Variants in CCDC90B observed in about 807,000 individuals in gnomAD.
The protein encoded by CCDC90B is coiled-coil domain-containing protein 90B, mitochondrial.
In CCDC90B, 24 loss-of-function variants were observed where a neutral mutation model predicts 37.0. The observed-to-expected ratio is 0.65, with a 90% confidence interval of 0.47 to 0.91. The LOEUF (loss-of-function observed/expected upper bound fraction) is 0.91, where lower values mean the gene tolerates loss of function less well. CCDC90B is among the 40% of genes least tolerant of loss of function. CCDC90B has a pLI of 0.00. For synonymous variants in CCDC90B, 113 were observed against 101.1 expected, an observed-to-expected ratio of 1.12 and a Z score of -0.71; for missense variants, 319 against 299.0, an observed-to-expected ratio of 1.07 and a Z score of -0.49.
In CCDC90B at chr11:83,260,735, A is replaced by G. The variant is rs970209221; in HGVS notation, c.*1176T>C. The G allele has an allele frequency of 6.6e-6, 1 of 152,234 alleles. No individual in the cohort carries two copies. The highest frequency in any genetic ancestry group is 1.5e-5 in the Non-Finnish European group (1 of 68,032). 9.4% of individuals were successfully genotyped at this position (152,234 alleles called of 1,614,324 possible). Reference sequence around the variant, plus strand: ...GTCTTCTTGATCTGGGTAAGACTGAAGAACTAAGATGAAAAGGATATTTTA... The same window carrying G: ...GTCTTCTTGATCTGGGTAAGACTGAGGAACTAAGATGAAAAGGATATTTTA... On this transcript the variant is annotated 3_prime_UTR_variant, in exon 9 of 9. Transcript: ENST00000529689.
intron 7 of CCDC90B, 129 bp downstream of exon 7, chr11:83,273,518 G>T: frequency 3.3e-6 from 2 of 613,916 alleles, no homozygotes. Context: ...AACTATAATA[G>T]CTATGAGGAA....
intron 3 of CCDC90B, 131 bp from the exon 4 acceptor site, chr11:83,274,871 A>T: frequency 1.9e-6 from 1 of 535,322 alleles, no homozygotes; most frequent in South Asian, 2.4e-5. Context: ...TTAAGTAAAT[A>T]TGAAACCTAC....
chr11:83,279,168 C>G (rs997235193), intron 2 of CCDC90B, among the ~76,000 whole-genome samples: 5 of 152,024 alleles, frequency 3.3e-5, no homozygotes, highest in African/African-American at 1.2e-4. Flanking sequence ...GTAGTCCCAG[C>G]TACTCGGGAG....
chr11:83,265,766 C>G, intron 8 of CCDC90B, 99 bp downstream of exon 8: 1 of 692,438 alleles, frequency 1.4e-6, no homozygotes, highest in Non-Finnish European at 2.5e-6. Flanking sequence ...GCCTTGTTAT[C>G]TAGCTCCTCC....
chr11:83,269,892 T>C (rs1415002065), intron 7 of CCDC90B, among the ~76,000 whole-genome samples: 3 of 152,190 alleles, frequency 2.0e-5, no homozygotes, highest in African/African-American at 4.8e-5. Flanking sequence ...TGAACGTCGA[T>C]GCGAAAATCC....
intron 8 of CCDC90B, among the ~76,000 whole-genome samples, chr11:83,264,000 C>CA (rs1435126302): frequency 3.9e-5 from 6 of 151,966 alleles, no homozygotes; most frequent in African/African-American, 7.3e-5. Flanking sequence ...TTGTTAATAT[C>CA]AAAAATCTTA....
At chr11:83,277,655 G>GC (rs1555008671) in intron 3 of CCDC90B, among the ~76,000 whole-genome samples, 2 of 142,362 alleles carry the variant, frequency 1.4e-5, no homozygotes, top group Non-Finnish European at 3.1e-5. Context: ...GCTAATTTTT[G>GC]TTTTTTTTTT....
At chr11:83,271,215 C>T (rs1864639512) in intron 7 of CCDC90B, among the ~76,000 whole-genome samples, 1 of 152,124 alleles carries the variant, frequency 6.6e-6, no homozygotes. Flanking sequence ...TAGGCATGTG[C>T]AAGGACTTCA....
At position 83,282,353 on chromosome 11, in the gene CCDC90B, A is replaced by G. The variant is rs566729469; in HGVS notation, c.101-2093T>C. On this transcript the variant is annotated intron_variant, in intron 1 of 8. Coordinates refer to ENST00000529689, the MANE Select transcript of CCDC90B (RefSeq NM_021825.5). ...TTTTTGCACCATGGTAAAGTCAAAA[A>G]TTTTTAAGTTAAACTATCTTAAGTT... Among the ~76,000 whole-genome samples, 286 of 152,346 alleles carry G rather than the reference A, an allele frequency of 1.9e-3. 1 individual carries two copies. Among genetic ancestry groups the G allele is most frequent in the African/African-American group, 6.3e-3 (262 of 41,584 alleles).
chr11:83,272,820 C>T (rs1437387310), intron 7 of CCDC90B, among the ~76,000 whole-genome samples: 1 of 152,142 alleles, frequency 6.6e-6, no homozygotes, highest in Non-Finnish European at 1.5e-5. Flanking sequence ...AAGGACAAGG[C>T]TGAGTCAGAA....
intron 2 of CCDC90B, among the ~76,000 whole-genome samples, chr11:83,279,235 C>T (rs476717): frequency 0.28 from 42,081 of 151,544 alleles, 6,368 homozygotes; most frequent in Non-Finnish European, 0.34. Context: ...AAGCCGAGAT[C>T]GCGCCACTTT....
chr11:83,274,650 C>T lies in CCDC90B; in HGVS notation c.415G>A (p.Ala139Thr). 1 of 1,599,258 alleles carries T rather than the reference C, an allele frequency of 6.3e-7. No homozygotes were observed. Among genetic ancestry groups the T allele is most frequent in the Non-Finnish European group, 8.5e-7 (1 of 1,170,574 alleles). Residue 139 changes from alanine (A) to threonine (T), a missense_variant, in exon 4 of 9, where the codon GCA becomes ACA. By Grantham distance (58) the Ala-to-Thr change is moderately conservative. Transcript: ENST00000529689. Reference sequence around the variant, plus strand: ...AAAATTTGTATCACCTCATTCTCTGCTCTCAGATTTGCAAATTCACTTTTC... The same window carrying T: ...AAAATTTGTATCACCTCATTCTCTGTTCTCAGATTTGCAAATTCACTTTTC... ...LEKSEFANLR[A>T]ENEKMKIELD... is the part of the protein sequence containing the mutation.
At chr11:83,280,780 G>A (rs1367101602) in intron 1 of CCDC90B, among the ~76,000 whole-genome samples, 1 of 152,194 alleles carries the variant, frequency 6.6e-6, no homozygotes, top group Non-Finnish European at 1.5e-5. Context: ...GGATCAGAAT[G>A]GAAGTTCCAT....
At position 83,285,760 on chromosome 11, in the gene CCDC90B, C is replaced by A. The variant is rs749700406; in HGVS notation, c.100+113G>T. Reference sequence around the variant, plus strand: ...GCGTCGCCCAGCACAAGGCGTGAATCCGGGAGGAGGGCGTGGCACCTTCTC... The same window carrying A: ...GCGTCGCCCAGCACAAGGCGTGAATACGGGAGGAGGGCGTGGCACCTTCTC... On this transcript the variant is annotated intron_variant, in intron 1 of 8. Transcript: ENST00000529689. 1.0e-4 allele frequency: 149 copies of A among 1,473,710 alleles called. No individual in the cohort carries two copies. In the Middle Eastern group the frequency reaches 1.1e-3, roughly 11 times the overall value. The allele number at this position is 1,473,710 out of a possible 1,614,324, so 91.3% of individuals were successfully genotyped here.
intron 7 of CCDC90B, among the ~76,000 whole-genome samples, chr11:83,272,347 T>C (rs1229310962): frequency 6.6e-6 from 1 of 152,206 alleles, no homozygotes; most frequent in Non-Finnish European, 1.5e-5. Context: ...ATACTGGGCA[T>C]ATTCTAAAAA....
rs746453343 is a variant in CCDC90B, at chr11:83,273,797, T to C, written c.536A>G (p.Asp179Gly). The C allele has an allele frequency of 1.2e-6, 2 of 1,608,504 alleles. No individual in the cohort carries two copies. Among genetic ancestry groups the C allele is most frequent in the Admixed American group, 3.4e-5 (2 of 59,412 alleles). ...DINLERSRVTDMFTDQEKQLM... is the reference protein window; with the variant it reads ...DINLERSRVTGMFTDQEKQLM... ...GTACATTTAAAAGAACATTACCATA[T>C]CTGTTACTCTGCTCCTTTCTAAGTT... Residue 179 changes from aspartate (D) to glycine (G), a missense_variant, in exon 6 of 9, where the codon GAT becomes GGT. By Grantham distance (94) the Asp-to-Gly change is moderately conservative. Transcript: ENST00000529689.
intron 2 of CCDC90B, 138 bp downstream of exon 2, chr11:83,280,003 G>T: frequency 1.4e-6 from 1 of 728,608 alleles, no homozygotes; most frequent in Non-Finnish European, 2.1e-6. Flanking sequence ...ATCATTTTTA[G>T]TGACTATAAA....
At chr11:83,270,070 C>G (rs952806365) in intron 7 of CCDC90B, among the ~76,000 whole-genome samples, 10 of 152,134 alleles carry the variant, frequency 6.6e-5, no homozygotes, top group African/African-American at 2.2e-4. Context: ...ATTATCTCAA[C>G]AGATGCAGAA....
At chr11:83,279,280 CAAAAAAAACAA>C (rs566829205) in intron 2 of CCDC90B, among the ~76,000 whole-genome samples, 15 of 143,554 alleles carry the variant, frequency 1.0e-4, no homozygotes, top group Non-Finnish European at 1.5e-4. Context: ...GACTCTGTCT[CAAAAAAAACAA>C]AAAAAAAACA....
Sources: gnomAD v4.1 joint callset for allele counts (sites outside exome capture counted in the v4.1 genomes callset) on GRCh38, gnomAD v4.1.1 for gene constraint, MANE v1.5 for transcripts, NCBI Gene and HGNC (gene_info 2026-07-23, HGNC 2026-07-21) for gene names.